Variants in TSGA10 observed in about 807,000 individuals in gnomAD.
TSGA10 encodes testis specific 10.
TSGA10 carries 43 observed loss-of-function variants against 96.6 expected under a neutral mutation model. The ratio of observed to expected loss-of-function variants is 0.44; its 90% confidence interval spans 0.35 to 0.57. The LOEUF (loss-of-function observed/expected upper bound fraction) is 0.57, where lower values mean the gene tolerates loss of function less well. Among genes scored for constraint, TSGA10 ranks in the 20% least tolerant of loss-of-function variants. TSGA10 has a pLI of 0.01. For synonymous variants in TSGA10, 229 were observed against 269.9 expected (o/e 0.85, Z 1.48); for missense variants, 703 against 834.4 (o/e 0.84, Z 1.94).
intron 20 of TSGA10, among the ~76,000 whole-genome samples, chr2:99,017,132 G>T (rs1413830851): frequency 6.6e-6 from 1 of 152,160 alleles, no homozygotes. Flanking sequence ...ACTACCATTT[G>T]ATCCATCTAT....
intron 12 of TSGA10, among the ~76,000 whole-genome samples, chr2:99,075,566 T>C (rs941212448): frequency 6.6e-6 from 1 of 152,206 alleles, no homozygotes; most frequent in Admixed American, 6.5e-5. Flanking sequence ...TGAACAGTAT[T>C]AGTTTTCACT....
chr2:99,081,520 GT>G, intron 10 of TSGA10, 123 bp from the exon 11 acceptor site: 2 of 401,494 alleles, frequency 5.0e-6, no homozygotes, highest in Non-Finnish European at 8.9e-6. Flanking sequence ...TTTTTATACA[GT>G]TTTAATATTT....
rs774847320 is a variant in TSGA10 at position 99,073,060 on chromosome 2, G to A, written c.896C>T (p.Ser299Leu). Residue 299 changes from serine to leucine, a missense_variant, in exon 13 of 21, where the codon TCA (serine) becomes TTA (leucine). By Grantham distance (145) the Ser-to-Leu change is moderately radical (BLOSUM62 -2). Transcript: ENST00000393483. ...ESLAMKEKTISGMKNIIAEME... is the reference protein window; with the variant it reads ...ESLAMKEKTILGMKNIIAEME... ...CTCAGCAATGATATTCTTCATGCCT[G>A]AAATGGTCTTTTCCTTGAAAAATAA... 6.2e-7 allele frequency: 1 copy of A among 1,600,984 alleles called. No homozygotes were observed. The highest frequency in any genetic ancestry group is 1.1e-5 in the South Asian group (1 of 89,322).
intron 1 of TSGA10, among the ~76,000 whole-genome samples, chr2:99,142,600 C>T (rs1574746257): frequency 1.3e-5 from 2 of 151,312 alleles, no homozygotes; most frequent in Non-Finnish European, 2.9e-5. Flanking sequence ...AATTAGATAC[C>T]AAAAAAAATT....
chr2:99,022,826 T>C (rs899830310), intron 17 of TSGA10, among the ~76,000 whole-genome samples: 3 of 152,194 alleles, frequency 2.0e-5, no homozygotes, highest in Admixed American at 6.5e-5. Flanking sequence ...GGTTTCACTT[T>C]TTCCACATTT....
chr2:99,119,476 TA>T (rs1433384202), intron 2 of TSGA10, among the ~76,000 whole-genome samples: 1 of 152,132 alleles, frequency 6.6e-6, no homozygotes, highest in African/African-American at 2.4e-5. Flanking sequence ...AGACACACTA[TA>T]AAAAACAATC....
At chr2:99,015,003 T>C in intron 20 of TSGA10, among the ~76,000 whole-genome samples, 1 of 151,886 alleles carries the variant, frequency 6.6e-6, no homozygotes, top group East Asian at 1.9e-4. Flanking sequence ...AATAAAAAAA[T>C]TGCCAATAAA....
intron 20 of TSGA10, among the ~76,000 whole-genome samples, chr2:99,009,713 G>A (rs1204828670): frequency 6.6e-6 from 1 of 151,610 alleles, no homozygotes; most frequent in African/African-American, 2.4e-5. Context: ...ACATGTTAAT[G>A]TTGAGCCAAG....
At chr2:99,003,755 G>A (rs1366238934) in intron 20 of TSGA10, among the ~76,000 whole-genome samples, 1 of 152,106 alleles carries the variant, frequency 6.6e-6, no homozygotes, top group African/African-American at 2.4e-5. Context: ...AAACTAATGA[G>A]AACAAAGACA....
chr2:99,082,153 G>A (rs532840735), intron 10 of TSGA10, among the ~76,000 whole-genome samples: 26 of 152,364 alleles, frequency 1.7e-4, no homozygotes, highest in Admixed American at 2.0e-4. Context: ...AACAAACAAT[G>A]TGTGAAGTTC....
At chr2:99,044,419 G>T (rs1340069916) in intron 16 of TSGA10, among the ~76,000 whole-genome samples, 2 of 148,594 alleles carry the variant, frequency 1.3e-5, no homozygotes, top group African/African-American at 5.0e-5. Flanking sequence ...AACCAACAAA[G>T]ATCAAAAGAG....
At chr2:99,035,689 A>T (rs559358057) in intron 16 of TSGA10, among the ~76,000 whole-genome samples, 2 of 151,920 alleles carry the variant, frequency 1.3e-5, no homozygotes, top group African/African-American at 2.4e-5. Context: ...GTACTTAGGA[A>T]AAAAAAACCT....
At chr2:99,103,477 G>A (rs1360777070) in intron 10 of TSGA10, among the ~76,000 whole-genome samples, 1 of 152,132 alleles carries the variant, frequency 6.6e-6, no homozygotes, top group East Asian at 1.9e-4. Flanking sequence ...CCAGTACACA[G>A]GAAAGGCTAA....
intron 16 of TSGA10, among the ~76,000 whole-genome samples, chr2:99,042,885 T>C (rs2082339507): frequency 6.6e-6 from 1 of 151,846 alleles, no homozygotes; most frequent in South Asian, 2.1e-4. Context: ...TTTTAGTAGA[T>C]ACAGGGTTTC....
intron 20 of TSGA10, among the ~76,000 whole-genome samples, chr2:99,001,665 G>A (rs1000908332): frequency 3.9e-5 from 6 of 152,138 alleles, no homozygotes; most frequent in Non-Finnish European, 5.9e-5. Flanking sequence ...GACTTCAGAG[G>A]ATCAGTAATA....
chr2:99,127,297 C>T, intron 1 of TSGA10, 121 bp from the exon 2 acceptor site: 1 of 814,884 alleles, frequency 1.2e-6, no homozygotes, highest in Non-Finnish European at 1.6e-6. Context: ...CATTTCCCAC[C>T]AGCTAAGAGG....
At chr2:99,050,228 T>C (rs2083254207) in intron 16 of TSGA10, among the ~76,000 whole-genome samples, 1 of 152,124 alleles carries the variant, frequency 6.6e-6, no homozygotes, top group Non-Finnish European at 1.5e-5. Flanking sequence ...CTCTCAGGTT[T>C]TTAAAAAGAC....
intron 17 of TSGA10, among the ~76,000 whole-genome samples, chr2:99,021,393 T>C (rs191714825): frequency 6.6e-6 from 1 of 152,270 alleles, no homozygotes; most frequent in East Asian, 1.9e-4. Flanking sequence ...ATCAAATTAA[T>C]AGCTTATATC....
intron 17 of TSGA10, among the ~76,000 whole-genome samples, chr2:99,034,873 A>G (rs1296158300): frequency 1.3e-5 from 2 of 152,212 alleles, no homozygotes; most frequent in African/African-American, 4.8e-5. Flanking sequence ...AGTTACAGTT[A>G]AAAGAACCCG....
Sources: gnomAD v4.1 joint callset for allele counts (sites outside exome capture counted in the v4.1 genomes callset) on GRCh38, gnomAD v4.1.1 for gene constraint, MANE v1.5 for transcripts, NCBI Gene and HGNC (gene_info 2026-07-23, HGNC 2026-07-21) for gene names.